The following COL4A2 variants were observed in gnomAD, a reference collection of about 807,000 sequenced individuals.
COL4A2 encodes collagen type IV alpha 2 chain.
A neutral mutation model predicts 200.2 loss-of-function variants in COL4A2; 99 were observed. The ratio of observed to expected loss-of-function variants is 0.49; its 90% CI spans 0.42 to 0.58. COL4A2 has a LOEUF of 0.58. COL4A2 is among the 20% of genes least tolerant of loss of function. COL4A2 has a pLI of 0.00. For synonymous variants in COL4A2, 897 were observed against 900.6 expected, an observed-to-expected ratio of 1.00 and a Z score of 0.07; for missense variants, 1,950 against 2,314.1, an observed-to-expected ratio of 0.84 and a Z score of 3.23.
chr13:110,499,524 C>CAAGAT (rs56361789), intron 40 of COL4A2, among the ~76,000 whole-genome samples: 85,335 of 151,862 alleles, frequency 0.56, 24,421 homozygotes, highest in South Asian at 0.66. Flanking sequence ...AACTACAAGT[C>CAAGAT]GAGATTTGGG....
chr13:110,467,200 C>G, intron 27 of COL4A2, 104 bp downstream of exon 27: 3 of 1,453,328 alleles, frequency 2.1e-6, no homozygotes, highest in Non-Finnish European at 1.9e-6. Flanking sequence ...ATCCCCCACC[C>G]CAGACATGGT....
chr13:110,409,643 G>T (rs754014449), intron 4 of COL4A2, among the ~76,000 whole-genome samples: 1 of 152,232 alleles, frequency 6.6e-6, no homozygotes, highest in Admixed American at 6.5e-5. Context: ...CAGGGCGCCA[G>T]CTGAGTCACT....
At chr13:110,449,361 G>T (rs761980825) in intron 18 of COL4A2, among the ~76,000 whole-genome samples, 1 of 152,294 alleles carries the variant, frequency 6.6e-6, no homozygotes, top group Non-Finnish European at 1.5e-5. Flanking sequence ...GGGCTGAGGG[G>T]CAGAGTGGGG....
chr13:110,398,841 C>A (rs1879273411), intron 4 of COL4A2, among the ~76,000 whole-genome samples: 1 of 151,876 alleles, frequency 6.6e-6, no homozygotes, highest in African/African-American at 2.4e-5. Flanking sequence ...TCAACCAAAT[C>A]AATTTAGGTT....
chr13:110,320,486 A>AT (rs554062393), intron 3 of COL4A2, among the ~76,000 whole-genome samples: 83 of 151,920 alleles, frequency 5.5e-4, no homozygotes, highest in African/African-American at 1.9e-3. Context: ...CTGGTGCTTG[A>AT]TTTTTTTTTA....
chr13:110,367,296 A>G (rs1327404623), intron 4 of COL4A2, among the ~76,000 whole-genome samples: 10 of 152,276 alleles, frequency 6.6e-5, no homozygotes, highest in Admixed American at 6.5e-4. Flanking sequence ...TGTTGGGTAA[A>G]TAATATCTTT....
chr13:110,354,014 C>T (rs1877080051), intron 3 of COL4A2, among the ~76,000 whole-genome samples: 1 of 152,186 alleles, frequency 6.6e-6, no homozygotes, highest in South Asian at 2.1e-4. Context: ...CTCACTACAA[C>T]TAAATACAGT....
At chr13:110,409,033 C>T (rs1000112068) in intron 4 of COL4A2, among the ~76,000 whole-genome samples, 3 of 126,600 alleles carry the variant, frequency 2.4e-5, no homozygotes, top group Non-Finnish European at 3.3e-5. Flanking sequence ...CACGCGCACA[C>T]GTTTACACAC....
Position 110,308,202 on chromosome 13 carries a change from C to G in COL4A2, c.99+79C>G. The G allele has an allele frequency of 3.3e-6, 5 of 1,510,550 alleles. No individual in the cohort carries two copies. The South Asian group carries it at 5.6e-5, about 17-fold the overall frequency. 93.6% of individuals were successfully genotyped at this position (1,510,550 alleles called of 1,614,324 possible). ...TTGAGTGGCCTTGGAGAAGGCAGCT[C>G]GTCCGTGCGCTCCCGAGTGTGTGTG... On this transcript the variant is annotated intron_variant, in intron 3 of 47. Transcript: ENST00000360467.
chr13:110,352,318 AAT>A (rs1434543730), intron 3 of COL4A2, among the ~76,000 whole-genome samples: 5 of 152,208 alleles, frequency 3.3e-5, no homozygotes, highest in Admixed American at 2.6e-4. Context: ...TGAACAGGAT[AAT>A]GCAATACTTA....
chr13:110,489,615 T>G, intron 35 of COL4A2, 96 bp from the exon 36 acceptor site: 1 of 1,593,590 alleles, frequency 6.3e-7, no homozygotes, highest in Non-Finnish European at 8.6e-7. Flanking sequence ...TTAAAACAAA[T>G]TATTCTTGTT....
chr13:110,377,826 A>G (rs1878300258), intron 4 of COL4A2, among the ~76,000 whole-genome samples: 1 of 152,252 alleles, frequency 6.6e-6, no homozygotes, highest in South Asian at 2.1e-4. Flanking sequence ...TAATGGCTTT[A>G]TTCAGACCTA....
intron 29 of COL4A2, among the ~76,000 whole-genome samples, chr13:110,475,098 T>C (rs1412654720): frequency 2.0e-5 from 3 of 152,348 alleles, no homozygotes; most frequent in African/African-American, 7.2e-5. Flanking sequence ...CTATGCATGC[T>C]CACACATACA....
intron 20 of COL4A2, among the ~76,000 whole-genome samples, chr13:110,454,631 G>A (rs1210809490): frequency 1.3e-5 from 2 of 152,000 alleles, no homozygotes; most frequent in African/African-American, 4.8e-5. Context: ...CTCCTGAGAC[G>A]CTGTCTTCTC....
Position 110,307,960 on chromosome 13 carries a change from C to A in COL4A2, c.44+13C>A. 1 of 1,612,580 alleles carries A rather than the reference C, an allele frequency of 6.2e-7. No homozygotes were observed. Among genetic ancestry groups the A allele is most frequent in the Non-Finnish European group, 8.5e-7 (1 of 1,179,534 alleles). On this transcript the variant is annotated intron_variant, in intron 2 of 47. Transcript: ENST00000360467. The surrounding 1 kb of genome is among the most constrained non-coding windows in gnomAD (Gnocchi z 5.0). ...CTGCCCTACGGCGGTAAGCGACTTT[C>A]TGCCTGGTCCCCGTGGGTCACGCGC...
At chr13:110,425,840 T>C (rs1278603221) in intron 6 of COL4A2, among the ~76,000 whole-genome samples, 1 of 152,078 alleles carries the variant, frequency 6.6e-6, no homozygotes, top group Non-Finnish European at 1.5e-5. Context: ...AATGAGTGAG[T>C]GGAGGGCAGT....
At chr13:110,319,852 A>T (rs1885233298) in intron 3 of COL4A2, among the ~76,000 whole-genome samples, 1 of 152,158 alleles carries the variant, frequency 6.6e-6, no homozygotes, top group African/African-American at 2.4e-5. Context: ...CTTAGCTCAG[A>T]CAGGATTTCC....
chr13:110,373,106 T>C (rs1233809598), intron 4 of COL4A2, among the ~76,000 whole-genome samples: 2 of 152,354 alleles, frequency 1.3e-5, no homozygotes, highest in African/African-American at 4.8e-5. Context: ...ATGATTTAGT[T>C]GTAAGTTTTT....
At chr13:110,408,902 T>C (rs193261442) in intron 4 of COL4A2, among the ~76,000 whole-genome samples, 34 of 108,690 alleles carry the variant, frequency 3.1e-4, no homozygotes, top group Middle Eastern at 9.4e-3. Context: ...TTTACACACA[T>C]GCAGATATAC....
Sources: gnomAD v4.1 joint callset for allele counts (sites outside exome capture counted in the v4.1 genomes callset) on GRCh38, gnomAD v4.1.1 for gene constraint, Gnocchi (gnomAD v3.1) non-coding constraint, MANE v1.5 for transcripts, NCBI Gene and HGNC (gene_info 2026-07-23, HGNC 2026-07-21) for gene names.